Variants in NFKB1 observed in about 807,000 individuals in gnomAD.
NFKB1 encodes the protein nuclear factor kappa B subunit 1, also known as nuclear factor NF-kappa-B p105 subunit.
Under a neutral mutation model 105.1 loss-of-function variants are expected in NFKB1, and 9 were observed. That is an observed-to-expected ratio of 0.09 (90% CI 0.05 to 0.15). The LOEUF (loss-of-function observed/expected upper bound fraction) is 0.15. NFKB1 is among the 10% of genes least tolerant of loss of function. NFKB1 has a pLI of 1.00. For missense variants in NFKB1, 830 were observed against 1,203.7 expected, an observed-to-expected ratio of 0.69 and a Z score of 4.59; for synonymous variants, 440 against 442.2, an observed-to-expected ratio of 1.00 and a Z score of 0.06.
chr4:102,526,389 T>G (rs1466973351), intron 2 of NFKB1, among the ~76,000 whole-genome samples: 1 of 152,140 alleles, frequency 6.6e-6, no homozygotes, highest in Admixed American at 6.6e-5. Flanking sequence ...AAGAAGTTAC[T>G]TAATGGGTAC....
At chr4:102,544,478 C>T (rs1721974761) in intron 5 of NFKB1, among the ~76,000 whole-genome samples, 1 of 152,064 alleles carries the variant, frequency 6.6e-6, no homozygotes, top group South Asian at 2.1e-4. Context: ...AAGCATGAAG[C>T]TCACCATTAG....
At chr4:102,609,652 G>A (rs1262637032) in intron 19 of NFKB1, among the ~76,000 whole-genome samples, 1 of 145,302 alleles carries the variant, frequency 6.9e-6, no homozygotes, top group Non-Finnish European at 1.5e-5. Context: ...TTAAGAGATA[G>A]CTCATCCCTC....
At chr4:102,561,411 T>C (rs139154238) in intron 5 of NFKB1, among the ~76,000 whole-genome samples, 135 of 152,152 alleles carry the variant, frequency 8.9e-4, no homozygotes, top group Non-Finnish European at 1.4e-3. Flanking sequence ...TACCACTTCT[T>C]ATAGCCATTC....
intron 4 of NFKB1, among the ~76,000 whole-genome samples, chr4:102,536,701 C>G (rs4647997): frequency 0.011 from 1,700 of 152,192 alleles, 42 homozygotes; most frequent in African/African-American, 0.038. Flanking sequence ...AGTGAACCCC[C>G]ACCAGCAGCT....
rs183358498 is a variant in NFKB1 at position 102,535,886 on chromosome 4, G to A, written c.160-1972G>A. Among the ~76,000 whole-genome samples, 1,005 of 146,662 alleles carry A rather than the reference G, an allele frequency of 6.9e-3. 4 individuals carry two copies. Among genetic ancestry groups the A allele is most frequent in the Non-Finnish European group, 9.9e-3 (663 of 66,796 alleles). Reference sequence around the variant, plus strand: ...AATGAATTGTGTGTGTGTGGTTTTGGGGTTTTTTTTGTTTTTTTTTTTTAA... The same window carrying A: ...AATGAATTGTGTGTGTGTGGTTTTGAGGTTTTTTTTGTTTTTTTTTTTTAA... On this transcript the variant is annotated intron_variant, in intron 4 of 23. Transcript: ENST00000226574.
chr4:102,609,479 G>A (rs960396279), intron 19 of NFKB1, among the ~76,000 whole-genome samples: 13 of 151,950 alleles, frequency 8.6e-5, no homozygotes, highest in African/African-American at 2.9e-4. Context: ...GGGCGTGGTG[G>A]CATGCATCTG....
intron 20 of NFKB1, 49 bp from the exon 21 acceptor site, chr4:102,611,995 A>T: frequency 6.9e-7 from 1 of 1,454,634 alleles, no homozygotes; most frequent in Non-Finnish European, 9.7e-7. Flanking sequence ...AGACTGCCCT[A>T]GTGGTCCCTT....
intron 6 of NFKB1, among the ~76,000 whole-genome samples, chr4:102,575,785 A>G (rs759722944): frequency 7.2e-5 from 11 of 151,776 alleles, no homozygotes; most frequent in Non-Finnish European, 1.3e-4. Flanking sequence ...TTCCTACCTT[A>G]TTTTTCTGGA....
intron 1 of NFKB1, among the ~76,000 whole-genome samples, chr4:102,503,935 T>C (rs1050205725): frequency 6.6e-6 from 1 of 152,196 alleles, no homozygotes; most frequent in African/African-American, 2.4e-5. Flanking sequence ...GGATTGCTCA[T>C]TGTGGTAGAT....
chr4:102,607,559 AG>A, intron 18 of NFKB1, 89 bp from the exon 19 acceptor site: 1 of 1,357,832 alleles, frequency 7.4e-7, no homozygotes, highest in Non-Finnish European at 1.1e-6. Flanking sequence ...GGCTAGTAAT[AG>A]GACCCAAGGA....
intron 17 of NFKB1, 76 bp downstream of exon 17, chr4:102,606,773 G>A: frequency 6.8e-7 from 1 of 1,463,482 alleles, no homozygotes; most frequent in South Asian, 1.2e-5. Context: ...ATAAACGTGT[G>A]TTATTTGATT....
intron 3 of NFKB1, 147 bp from the exon 4 acceptor site, chr4:102,533,698 T>C: frequency 1.4e-6 from 1 of 699,486 alleles, no homozygotes; most frequent in Non-Finnish European, 2.5e-6. Context: ...GAAGAGAAAT[T>C]ATATCCTTGT....
intron 15 of NFKB1, 72 bp from the exon 16 acceptor site, chr4:102,600,823 A>G (rs928807301): frequency 2.2e-6 from 2 of 912,870 alleles, no homozygotes; most frequent in African/African-American, 3.3e-5. Context: ...TCTTGAGTCT[A>G]ATCACATCTT....
intron 5 of NFKB1, among the ~76,000 whole-genome samples, chr4:102,552,168 A>G (rs945567839): frequency 3.9e-5 from 6 of 152,230 alleles, no homozygotes; most frequent in African/African-American, 1.2e-4. Context: ...GTAGAGAAAT[A>G]GAAACCAACT....
chr4:102,504,141 A>G (rs1739272831), intron 1 of NFKB1, among the ~76,000 whole-genome samples: 1 of 152,146 alleles, frequency 6.6e-6, no homozygotes. Flanking sequence ...AGTAGTCGAT[A>G]TTTTCAAACA....
chr4:102,550,241 CT>C (rs1043688721), intron 5 of NFKB1, among the ~76,000 whole-genome samples: 10 of 152,118 alleles, frequency 6.6e-5, no homozygotes, highest in Non-Finnish European at 1.2e-4. Context: ...ATGTCCCTAT[CT>C]TTTTTTTCCT....
At chr4:102,615,763 C>A (rs1222141974) in intron 23 of NFKB1, among the ~76,000 whole-genome samples, 1 of 152,158 alleles carries the variant, frequency 6.6e-6, no homozygotes, top group Non-Finnish European at 1.5e-5. Context: ...GCATTAAAGT[C>A]TTAATATTCT....
chr4:102,545,252 T>C (rs947889018), intron 5 of NFKB1, among the ~76,000 whole-genome samples: 6 of 152,066 alleles, frequency 3.9e-5, no homozygotes, highest in African/African-American at 7.2e-5. Flanking sequence ...TCCAGATGGA[T>C]TCCAAATAAG....
intron 16 of NFKB1, among the ~76,000 whole-genome samples, chr4:102,604,324 G>A (rs1243857719): frequency 6.6e-6 from 1 of 151,974 alleles, no homozygotes; most frequent in East Asian, 1.9e-4. Context: ...TTCAAAGGAG[G>A]TTACAAAAAC....
Sources: allele counts gnomAD v4.1 joint callset (sites outside exome capture counted in the v4.1 genomes callset), GRCh38; gene constraint gnomAD v4.1.1; transcripts MANE v1.5; gene names NCBI Gene and HGNC (gene_info 2026-07-23, HGNC 2026-07-21).